ERICH1: variants seen among roughly 807,000 people sequenced by gnomAD.
The protein encoded by ERICH1 is glutamate-rich protein 1.
A neutral mutation model predicts 39.6 loss-of-function variants in ERICH1; 56 were observed. The observed-to-expected ratio is 1.41, with a 90% CI of 1.14 to 1.77. The LOEUF is 1.77. Among genes scored for constraint, ERICH1 ranks in the 40% most tolerant of loss-of-function variants. The pLI is 0.00. For missense variants in ERICH1, 826 were observed against 575.4 expected, an observed-to-expected ratio of 1.44 and a Z score of -4.45; for synonymous variants, 313 against 223.6, an observed-to-expected ratio of 1.40 and a Z score of -3.57.
intron 3 of ERICH1, among the ~76,000 whole-genome samples, chr8:685,952 C>G (rs938658607): frequency 6.6e-6 from 1 of 150,380 alleles, no homozygotes; most frequent in Non-Finnish European, 1.5e-5. Context: ...CGAGACCAGC[C>G]TGGCCAACAT....
intron 2 of ERICH1, among the ~76,000 whole-genome samples, chr8:711,038 G>C (rs911194198): frequency 1.6e-4 from 25 of 152,110 alleles, no homozygotes; most frequent in African/African-American, 5.8e-4. Context: ...TAGTGTTCTG[G>C]ATTTTGTCCA....
chr8:618,446 T>A (rs1295046795), intron 3 of ERICH1, among the ~76,000 whole-genome samples: 1 of 152,200 alleles, frequency 6.6e-6, no homozygotes, highest in Non-Finnish European at 1.5e-5. Flanking sequence ...GCTTGGTCTG[T>A]CCTCACTGCC....
At chr8:699,837 A>AC (rs1811377252) in intron 2 of ERICH1, among the ~76,000 whole-genome samples, 4 of 87,106 alleles carry the variant, frequency 4.6e-5, no homozygotes, top group Admixed American at 1.3e-4. Flanking sequence ...AGACCCGCAC[A>AC]GGCGCACAGA....
At chr8:686,460 A>AAAACAAAAAC (rs1554510351) in intron 3 of ERICH1, among the ~76,000 whole-genome samples, 1 of 151,682 alleles carries the variant, frequency 6.6e-6, no homozygotes, top group East Asian at 1.9e-4. Flanking sequence ...AAAAAAAAAA[A>AAAACAAAAAC]AAAAACAAAA....
chr8:689,788 C>T (rs927442335), intron 3 of ERICH1, among the ~76,000 whole-genome samples: 5 of 152,172 alleles, frequency 3.3e-5, no homozygotes, highest in African/African-American at 9.7e-5. Context: ...AGAAGACGGA[C>T]GTAAGCGGTA....
chr8:693,670 T>TC (rs1422238670), intron 2 of ERICH1, among the ~76,000 whole-genome samples: 2 of 143,864 alleles, frequency 1.4e-5, no homozygotes, highest in African/African-American at 2.5e-5. Context: ...GGCTGGAACC[T>TC]CCCTGCTGTG....
At chr8:616,438 T>C (rs1436313636) in intron 3 of ERICH1, 9 of 440,348 alleles carry the variant, frequency 2.0e-5, no homozygotes, top group Non-Finnish European at 3.7e-5. Context: ...CACCCCATGC[T>C]CTCCTGGCTA....
chr8:627,144 C>T, intron 3 of ERICH1: 2 of 456,302 alleles, frequency 4.4e-6, no homozygotes, highest in Non-Finnish European at 4.4e-6. Flanking sequence ...GGAAGACAGA[C>T]AGCAGCAGAC....
intron 3 of ERICH1, among the ~76,000 whole-genome samples, chr8:655,904 C>A (rs1194356461): frequency 6.6e-6 from 1 of 152,114 alleles, no homozygotes; most frequent in Non-Finnish European, 1.5e-5. Flanking sequence ...GTGCAGAGAC[C>A]GCCCATCCAC....
At chr8:668,877 TC>T in intron 4 of ERICH1, 85 bp from the exon 5 acceptor site, 1 of 1,268,810 alleles carries the variant, frequency 7.9e-7, no homozygotes, top group East Asian at 2.4e-5. Context: ...TTAAGGAAGG[TC>T]TCAAACCTAC....
At chr8:717,214 T>C (rs1816219300) in intron 1 of ERICH1, among the ~76,000 whole-genome samples, 2 of 152,188 alleles carry the variant, frequency 1.3e-5, no homozygotes, top group African/African-American at 4.8e-5. Flanking sequence ...TGAAACGATG[T>C]GATCCCTGAG....
At chr8:633,824 C>T (rs989921519) in intron 3 of ERICH1, among the ~76,000 whole-genome samples, 6 of 152,348 alleles carry the variant, frequency 3.9e-5, no homozygotes, top group East Asian at 1.9e-4. Flanking sequence ...TGCTGGGAAA[C>T]AGGACATCCA....
intron 2 of ERICH1, among the ~76,000 whole-genome samples, chr8:695,540 G>A (rs76102018): frequency 0.18 from 12,318 of 68,598 alleles, 1,077 homozygotes; most frequent in Middle Eastern, 0.32. Flanking sequence ...TGCTCCTCTC[G>A]CCCTCCACTC....
intron 3 of ERICH1, among the ~76,000 whole-genome samples, chr8:635,437 G>C (rs1798350234): frequency 6.6e-6 from 1 of 152,194 alleles, no homozygotes; most frequent in African/African-American, 2.4e-5. Context: ...GCTAAGGCTG[G>C]CTGTGAGAGG....
chr8:661,704 T>C (rs546648098), downstream of ERICH1, among the ~76,000 whole-genome samples: 44 of 152,362 alleles, frequency 2.9e-4, no homozygotes, highest in African/African-American at 1.0e-3. Context: ...TTTTGTTTTG[T>C]AGAAGATGCA....
intron 3 of ERICH1, among the ~76,000 whole-genome samples, chr8:686,113 C>T (rs1237114400): frequency 5.9e-5 from 9 of 152,138 alleles, no homozygotes; most frequent in African/African-American, 2.2e-4. Context: ...TGAGATTGCG[C>T]CACTGCACTC....
downstream of ERICH1, among the ~76,000 whole-genome samples, chr8:661,364 G>C (rs1801402251): frequency 6.6e-6 from 1 of 152,066 alleles, no homozygotes; most frequent in African/African-American, 2.4e-5. Context: ...ATTAGAGACC[G>C]GCTTGTGCAA....
At chr8:677,576 C>T (rs1416892726) in intron 3 of ERICH1, among the ~76,000 whole-genome samples, 1 of 152,190 alleles carries the variant, frequency 6.6e-6, no homozygotes, top group Non-Finnish European at 1.5e-5. Context: ...TCTGACCAAC[C>T]AGCCTGGTCC....
At chr8:682,160 A>C (rs1442510193) in intron 3 of ERICH1, among the ~76,000 whole-genome samples, 1 of 152,014 alleles carries the variant, frequency 6.6e-6, no homozygotes, top group Non-Finnish European at 1.5e-5. Context: ...GTCCTGAATG[A>C]AGTCTTCCTC....
Sources: allele counts gnomAD v4.1 joint callset (sites outside exome capture counted in the v4.1 genomes callset), GRCh38; gene constraint gnomAD v4.1.1; transcripts MANE v1.5; gene names NCBI Gene and HGNC (gene_info 2026-07-23, HGNC 2026-07-21).